Variants in PCDHGB1 observed in about 807,000 individuals in gnomAD.
PCDHGB1 encodes protocadherin gamma-B1.
PCDHGB1 carries 34 observed loss-of-function variants against 56.6 expected under a neutral mutation model. The ratio of observed to expected loss-of-function variants is 0.60; its 90% CI spans 0.46 to 0.80. The LOEUF is 0.80. Among genes scored for constraint, PCDHGB1 ranks in the 30% least tolerant of loss-of-function variants. The pLI is 0.00. For missense variants in PCDHGB1, 1,278 were observed against 1,204.6 expected (o/e 1.06, Z -0.90); for synonymous variants, 561 against 505.9 (o/e 1.11, Z -1.46).
rs761905572 is a variant in PCDHGB1 at position 141,486,493 on chromosome 5, T to A, written c.2410-8314T>A. The A allele has an allele frequency of 2.5e-6, 4 of 1,614,136 alleles. No homozygotes were observed. The highest frequency in any genetic ancestry group is 1.7e-4 in the Middle Eastern group (1 of 6,060). On this transcript the variant is annotated intron_variant, in intron 1 of 3. Transcript: ENST00000523390. This position sits in a 1 kb window ranked among gnomAD's most constrained non-coding sequence, Gnocchi z 5.0. ...ACCCTCCTCTCAGTACCCACAGAAC[T>A]ATTTTCCTCAATATTTCAGATGTGA... is the stretch of plus-strand genomic sequence containing the variant.
At chr5:141,449,261 G>A (rs148515123) in intron 1 of PCDHGB1, among the ~76,000 whole-genome samples, 101 of 152,156 alleles carry the variant, frequency 6.6e-4, no homozygotes, top group Non-Finnish European at 1.3e-3. Flanking sequence ...ATTGTACAAA[G>A]AACTGTATCT....
intron 1 of PCDHGB1, among the ~76,000 whole-genome samples, chr5:141,470,814 A>T (rs1170059292): frequency 2.6e-5 from 4 of 152,006 alleles, no homozygotes; most frequent in Admixed American, 6.5e-5. Context: ...CAGCCTTCTG[A>T]GTAGTTAGGA....
intron 1 of PCDHGB1, among the ~76,000 whole-genome samples, chr5:141,452,299 A>G (rs2098738116): frequency 6.6e-6 from 1 of 152,176 alleles, no homozygotes; most frequent in African/African-American, 2.4e-5. Flanking sequence ...ATAAGAAAAT[A>G]TTAGAGACTC....
intron 1 of PCDHGB1, chr5:141,433,024 C>A: frequency 6.2e-7 from 1 of 1,614,168 alleles, no homozygotes; most frequent in African/African-American, 1.3e-5. Flanking sequence ...CCTATTCCCA[C>A]GAGGTTTCCC....
intron 1 of PCDHGB1, chr5:141,384,514 G>A: frequency 1.2e-6 from 2 of 1,614,194 alleles, no homozygotes; most frequent in Non-Finnish European, 1.7e-6. Flanking sequence ...TGACAGCGGG[G>A]ACCCGCCTCT....
rs62378448 is a variant in PCDHGB1, at chr5:141,400,064, G to C, written c.2409+47395G>C. On this transcript the variant is annotated intron_variant, in intron 1 of 3. Transcript: ENST00000523390. ...CTGCTGGTTGCTGTGCGTGATGGTG[G>C]ACAGCCGCCACTCTCCGCCACCGCC... The C allele has an allele frequency of 7.6e-4, 1,225 of 1,613,770 alleles. No homozygotes were observed. The highest frequency in any genetic ancestry group is 9.7e-4 in the Non-Finnish European group (1,150 of 1,179,858).
intron 3 of PCDHGB1, 146 bp from the exon 4 acceptor site, chr5:141,510,801 A>G: frequency 6.7e-7 from 1 of 1,489,832 alleles, no homozygotes; most frequent in Non-Finnish European, 9.1e-7. Flanking sequence ...AAGAGAGACT[A>G]CCTTGGTGAC....
At chr5:141,360,843 C>G (rs910664589) in intron 1 of PCDHGB1, 1 of 1,613,956 alleles carries the variant, frequency 6.2e-7, no homozygotes. Flanking sequence ...CGGATGCCAA[C>G]GATAACCCTC....
At position 141,410,845 on chromosome 5, in the gene PCDHGB1, TTGTC is replaced by T. The variant is rs1434874838; in HGVS notation, c.2409+58178_2409+58181del. 23 of 429,726 alleles carry T rather than the reference TTGTC, an allele frequency of 5.4e-5. 1 individual carries two copies. Among genetic ancestry groups the T allele is most frequent in the Admixed American group, 8.8e-5 (2 of 22,654 alleles). The allele number at this position is 429,726 out of a possible 1,614,324, so 26.6% of individuals were successfully genotyped here. A position where few individuals can be genotyped will look rare whatever the true frequency, so the allele number is the denominator to read the frequency against. Reference sequence around the variant, plus strand: ...TCACCAGACTGAAGATATTTTGTCTTTGTCTTTTTTTTTTTTTTTTTTTTTTGAG... The same window carrying T: ...TCACCAGACTGAAGATATTTTGTCTTTTTTTTTTTTTTTTTTTTTTTTGAG... On this transcript the variant is annotated intron_variant, in intron 1 of 3. Transcript: ENST00000523390.
intron 1 of PCDHGB1, among the ~76,000 whole-genome samples, chr5:141,433,999 A>G (rs1471657184): frequency 6.6e-6 from 1 of 152,070 alleles, no homozygotes; most frequent in Admixed American, 6.6e-5. Context: ...TATATTCTCT[A>G]TATATGTTTG....
At chr5:141,352,804 A>C (rs913293903) in intron 1 of PCDHGB1, 135 bp downstream of exon 1, 1 of 887,046 alleles carries the variant, frequency 1.1e-6, no homozygotes, top group Non-Finnish European at 1.7e-6. Context: ...AGCATAGCCA[A>C]GATGGTAAAA....
chr5:141,476,868 C>T lies in PCDHGB1; in HGVS notation c.2410-17939C>T, dbSNP rs1213404395. On this transcript the variant is annotated intron_variant, in intron 1 of 3. Coordinates refer to ENST00000523390, the MANE Select transcript of PCDHGB1 (RefSeq NM_018922.3). This position sits in a 1 kb window ranked among gnomAD's most constrained non-coding sequence, Gnocchi z 7.6. ...GTCTTCAACCAGTCCTTGTACCGGG[C>T]GCGCGTCCTGGAGGATGCACCCTCC... 3 of 1,613,874 alleles carry T rather than the reference C, an allele frequency of 1.9e-6. No individual in the cohort carries two copies. Among genetic ancestry groups the T allele is most frequent in the Admixed American group, 3.3e-5 (2 of 60,026 alleles).
rs1449032006 is a variant in PCDHGB1 at position 141,438,617 on chromosome 5, TATATATATATATATATATAC to T, written c.2410-56188_2410-56169del. 2.9e-3 allele frequency among the ~76,000 whole-genome samples: 107 copies of T among 37,156 alleles called. 1 individual carries two copies. Among genetic ancestry groups the T allele is most frequent in the South Asian group, 0.015 (15 of 996 alleles). 24.4% of individuals were successfully genotyped at this position (37,156 alleles called of 152,430 possible). On this transcript the variant is annotated intron_variant, in intron 1 of 3. Transcript: ENST00000523390. Reference sequence around the variant, plus strand: ...ATATATATATATATATATATATATATATATATATATATATATATACACACACACACACACATATATGTATA... The same window carrying T: ...ATATATATATATATATATATATATATACACACACACACACATATATGTATA...
intron 1 of PCDHGB1, chr5:141,405,107 T>A: frequency 6.2e-7 from 1 of 1,613,998 alleles, no homozygotes; most frequent in African/African-American, 1.3e-5. Flanking sequence ...GCTGAGGCAC[T>A]GGCACTCCTC....
Position 141,432,097 on chromosome 5 carries a change from C to A in PCDHGB1, c.2410-62710C>A. The A allele has an allele frequency of 1.9e-6, 3 of 1,614,184 alleles. No individual in the cohort carries two copies. Among genetic ancestry groups the A allele is most frequent in the Non-Finnish European group, 1.7e-6 (2 of 1,180,034 alleles). On this transcript the variant is annotated intron_variant, in intron 1 of 3. Transcript: ENST00000523390. This position sits in a 1 kb window ranked among gnomAD's most constrained non-coding sequence, Gnocchi z 6.0. ...TCTCGCTGAACGTGGCAGACACCAA[C>A]GACAACCCGCCGGTCTTCCCTCAGG...
chr5:141,371,971 G>T lies in PCDHGB1; in HGVS notation c.2409+19302G>T, dbSNP rs372239619. 1.2e-6 allele frequency: 2 copies of T among 1,612,320 alleles called. No individual in the cohort carries two copies. The highest frequency in any genetic ancestry group is 3.3e-5 in the Admixed American group (2 of 59,994). The stretch of plus-strand genomic sequence containing the variant: ...CGAGCCTTCGACCACGAGCAGCTGC[G>T]TGCCTTCGAGCTCACTCTGCAGGCC... On this transcript the variant is annotated intron_variant, in intron 1 of 3. Transcript: ENST00000523390.
chr5:141,414,139 G>A (rs1245110230), intron 1 of PCDHGB1: 6 of 1,596,386 alleles, frequency 3.8e-6, no homozygotes, highest in African/African-American at 1.3e-5. Context: ...CTATGAAATA[G>A]AAATACAAGC....
Position 141,485,294 on chromosome 5 carries a change from G to A in PCDHGB1, c.2410-9513G>A, listed in dbSNP as rs2099611126. Reference sequence around the variant, plus strand: ...CTACCCGGTCCCAGAGGAGTCACAGGAAGGGACTTTTGTAGGGAATGTCGC... The same window carrying A: ...CTACCCGGTCCCAGAGGAGTCACAGAAAGGGACTTTTGTAGGGAATGTCGC... On this transcript the variant is annotated intron_variant, in intron 1 of 3. Coordinates refer to ENST00000523390, the MANE Select transcript of PCDHGB1 (RefSeq NM_018922.3). The surrounding 1 kb of genome is among the most constrained non-coding windows in gnomAD (Gnocchi z 5.7). The A allele has an allele frequency of 6.2e-7, 1 of 1,614,044 alleles. No homozygotes were observed. Among genetic ancestry groups the A allele is most frequent in the Non-Finnish European group, 8.5e-7 (1 of 1,179,988 alleles).
chr5:141,352,373 C>T lies in PCDHGB1; in HGVS notation c.2113C>T (p.Leu705=). The T allele has an allele frequency of 6.2e-7, 1 of 1,614,052 alleles. No homozygotes were observed. Among genetic ancestry groups the T allele is most frequent in the Non-Finnish European group, 8.5e-7 (1 of 1,179,898 alleles). Reference sequence around the variant, plus strand: ...AGTGCTCTTTCTCCTCGCGGTGATTCTAGCGATCGCCCTGCGCCTGCGACG... The same window carrying T: ...AGTGCTCTTTCTCCTCGCGGTGATTTTAGCGATCGCCCTGCGCCTGCGACG... ...ISVLFLLAVI[L]AIALRLRRSS... The change falls in exon 1 of 4, where the codon CTA becomes TTA. Residue 705 remains leucine (L), a synonymous_variant. Transcript: ENST00000523390.
Sources: allele counts gnomAD v4.1 joint callset (sites outside exome capture counted in the v4.1 genomes callset), GRCh38; gene constraint gnomAD v4.1.1; non-coding constraint Gnocchi (gnomAD v3.1); transcripts MANE v1.5; gene names NCBI Gene and HGNC (gene_info 2026-07-23, HGNC 2026-07-21).